P3H1: variants seen among roughly 807,000 people sequenced by gnomAD.
P3H1 encodes prolyl 3-hydroxylase 1.
P3H1 carries 69 observed loss-of-function variants against 84.0 expected under a neutral mutation model. The observed-to-expected ratio is 0.82, with a 90% confidence interval of 0.68 to 1.00. P3H1 has a LOEUF of 1.00. Among genes scored for constraint, P3H1 ranks in the 50% least tolerant of loss-of-function variants. P3H1 has a pLI of 0.00. For missense variants in P3H1, 878 were observed against 962.8 expected (o/e 0.91, Z 1.17); for synonymous variants, 366 against 388.8 (o/e 0.94, Z 0.69).
Position 42,759,188 on chromosome 1 carries a change from G to T in P3H1, c.808+13C>A. Reference sequence around the variant, plus strand: ...GAGGCCTGGCTGAAGGTCTGGCTCTGAACTGCACGCACCTGTGATGGCCTG... The same window carrying T: ...GAGGCCTGGCTGAAGGTCTGGCTCTTAACTGCACGCACCTGTGATGGCCTG... On this transcript the variant is annotated intron_variant, in intron 3 of 14. Transcript: ENST00000296388. The T allele has an allele frequency of 6.2e-7, 1 of 1,614,108 alleles. No individual in the cohort carries two copies. The highest frequency in any genetic ancestry group is 1.1e-5 in the South Asian group (1 of 91,058).
intron 8 of P3H1, among the ~76,000 whole-genome samples, chr1:42,753,066 T>G (rs1652200614): frequency 1.3e-5 from 2 of 152,258 alleles, no homozygotes; most frequent in South Asian, 4.1e-4. Flanking sequence ...TTCTCATCTG[T>G]CAAACAGCAT....
chr1:42,752,149 A>G, intron 10 of P3H1, 125 bp downstream of exon 10: 1 of 810,894 alleles, frequency 1.2e-6, no homozygotes, highest in Non-Finnish European at 2.2e-6. Context: ...TCCTGGCAAC[A>G]AGAATGTTGG....
intron 6 of P3H1, 73 bp from the exon 7 acceptor site, chr1:42,755,290 T>C: frequency 7.0e-7 from 1 of 1,422,524 alleles, no homozygotes; most frequent in Non-Finnish European, 9.9e-7. Flanking sequence ...ATGCATAAAA[T>C]AAGGCCCACA....
intron 8 of P3H1, among the ~76,000 whole-genome samples, chr1:42,753,584 G>T (rs1652226214): frequency 6.6e-6 from 1 of 152,124 alleles, no homozygotes; most frequent in Admixed American, 6.5e-5. Flanking sequence ...AATGCCCTAA[G>T]AAGTTCAAAA....
At chr1:42,748,068 A>C (rs1184567617) in intron 12 of P3H1, 132 bp downstream of exon 12, 5 of 727,744 alleles carry the variant, frequency 6.9e-6, no homozygotes, top group African/African-American at 1.7e-5. Context: ...TTTGGGGATA[A>C]AGGATTGGAC....
chr1:42,765,401 G>A (rs1478970297), intron 1 of P3H1, among the ~76,000 whole-genome samples: 1 of 152,160 alleles, frequency 6.6e-6, no homozygotes, highest in Non-Finnish European at 1.5e-5. Context: ...CCTTACTACA[G>A]TAACTCTTAA....
chr1:42,759,125 C>G (rs570072061), intron 3 of P3H1, 76 bp downstream of exon 3: 1 of 1,569,428 alleles, frequency 6.4e-7, no homozygotes, highest in Non-Finnish European at 8.8e-7. Flanking sequence ...GTGAAGAGTC[C>G]CCATTTATAT....
At chr1:42,763,763 G>A (rs576966796) in intron 1 of P3H1, among the ~76,000 whole-genome samples, 1 of 149,932 alleles carries the variant, frequency 6.7e-6, no homozygotes, top group East Asian at 2.0e-4. Flanking sequence ...ACTCCAGCAT[G>A]TCAAAGTAAC....
chr1:42,759,070 C>G, intron 3 of P3H1, 87 bp from the exon 4 acceptor site: 1 of 1,587,414 alleles, frequency 6.3e-7, no homozygotes, highest in Non-Finnish European at 8.6e-7. Context: ...CAAATGGAAG[C>G]AATTTTTCAT....
rs921200834 is a variant in P3H1, at chr1:42,766,701, A to C, written c.271T>G (p.Trp91Gly). The change falls in exon 1 of 15, where the codon TGG becomes GGG. Residue 91 changes from tryptophan (W) to glycine (G), a missense_variant. Physicochemically the swap from Trp to Gly is radical, Grantham distance 184. Coordinates refer to ENST00000296388, the MANE Select transcript of P3H1 (RefSeq NM_022356.4). ...GAGGCCTGGGCCGGGCTGGGGGACC[A>C]GTCGGGGTCCAGCTCCCACGGGAAG... ...ADFPWELDPDWSPSPAQASGA... is the reference protein window; with the variant it reads ...ADFPWELDPDGSPSPAQASGA... 6.5e-7 allele frequency: 1 copy of C among 1,536,086 alleles called. No individual in the cohort carries two copies. Among genetic ancestry groups the C allele is most frequent in the East Asian group, 2.5e-5 (1 of 40,558 alleles).
In P3H1 at chr1:42,754,983, G is replaced by C; in HGVS notation, c.1231C>G (p.Arg411Gly). Residue 411 changes from arginine (R) to glycine (G), a missense_variant, in exon 8 of 15, where the codon CGG (arginine) becomes GGG (glycine). Coordinates refer to ENST00000296388, the MANE Select transcript of P3H1 (RefSeq NM_022356.4). The surrounding 1 kb of genome is among the most constrained non-coding windows in gnomAD (Gnocchi z 4.0). ...TGGGAGATGCGTACGGCTGTTTCCC[G>C]TTCTGACCTATGAGCACAGCCGCTC... ...KRLQEKQKSE[R>G]ETAVRISQEI... 1 of 1,614,118 alleles carries C rather than the reference G, an allele frequency of 6.2e-7. No individual in the cohort carries two copies. Among genetic ancestry groups the C allele is most frequent in the Non-Finnish European group, 8.5e-7 (1 of 1,180,022 alleles).
chr1:42,765,540 C>A (rs1283380698), intron 1 of P3H1, among the ~76,000 whole-genome samples: 1 of 152,026 alleles, frequency 6.6e-6, no homozygotes, highest in East Asian at 1.9e-4. Flanking sequence ...AGCGACATAA[C>A]CAAAGACATA....
At chr1:42,748,825 G>C (rs973712006) in intron 11 of P3H1, 1 of 244,090 alleles carries the variant, frequency 4.1e-6, no homozygotes, top group Non-Finnish European at 8.2e-6. Context: ...TCACGAAAGG[G>C]AACAGACCGG....
At position 42,757,812 on chromosome 1, in the gene P3H1, C is replaced by A. The variant is rs2124135089; in HGVS notation, c.1051G>T (p.Glu351Ter). 2 of 1,614,242 alleles carry A rather than the reference C, an allele frequency of 1.2e-6. No homozygotes were observed. Among genetic ancestry groups the A allele is most frequent in the Non-Finnish European group, 1.7e-6 (2 of 1,180,046 alleles). ...CGGGGGCCGATGGATCTGGTGTGTT[C>A]TTCTCCAAGCATAGCTGCATAATAG... ...LAYYAAMLGE[E>*]HTRSIGPRES... The change falls in exon 5 of 15, where the codon GAA (glutamate) becomes TAA (stop). Residue 351 changes from glutamate to a stop codon, truncating the protein, a stop_gained. Coordinates refer to ENST00000296388, the MANE Select transcript of P3H1 (RefSeq NM_022356.4). LOFTEE classifies it high-confidence loss of function.
chr1:42,755,452 T>C, intron 6 of P3H1, 96 bp downstream of exon 6: 1 of 1,194,740 alleles, frequency 8.4e-7, no homozygotes, highest in South Asian at 1.2e-5. Flanking sequence ...CTCCAGCAAG[T>C]TTTCTCTCAG....
chr1:42,749,021 G>C (rs1651886795), intron 11 of P3H1, among the ~76,000 whole-genome samples: 2 of 152,198 alleles, frequency 1.3e-5, no homozygotes, highest in African/African-American at 4.8e-5. Context: ...TCCTCCCACT[G>C]CCACTTCCTG....
intron 5 of P3H1, among the ~76,000 whole-genome samples, 178 bp from the exon 6 acceptor site, chr1:42,755,815 G>A (rs559373891): frequency 8.5e-5 from 13 of 152,200 alleles, no homozygotes; most frequent in African/African-American, 3.1e-4. Flanking sequence ...TGTGTCCTCT[G>A]CCTGGCACAA....
chr1:42,759,620 G>A (rs998831991), intron 2 of P3H1, among the ~76,000 whole-genome samples: 1 of 152,070 alleles, frequency 6.6e-6, no homozygotes, highest in Non-Finnish European at 1.5e-5. Context: ...TTGAGACAGA[G>A]TCTCACTCTG....
Position 42,759,219 on chromosome 1 carries a change from G to A in P3H1, c.790C>T (p.Leu264Phe). 2 of 1,614,186 alleles carry A rather than the reference G, an allele frequency of 1.2e-6. No individual in the cohort carries two copies. Among genetic ancestry groups the A allele is most frequent in the South Asian group, 2.2e-5 (2 of 91,074 alleles). Residue 264 changes from leucine (L) to phenylalanine (F), a missense_variant, in exon 3 of 15, where the codon CTC becomes TTC. By Grantham distance (22) the Leu-to-Phe change is conservative. Coordinates refer to ENST00000296388, the MANE Select transcript of P3H1 (RefSeq NM_022356.4). The part of the protein sequence containing the change: ...GYNYLEYNAD[L>F]FQAITDHYIQ... ...CACGCACCTGTGATGGCCTGGAAGA[G>A]GTCAGCGTTGTACTCAAGGTAGTTG...
Sources: allele counts gnomAD v4.1 joint callset (sites outside exome capture counted in the v4.1 genomes callset), GRCh38; gene constraint gnomAD v4.1.1; non-coding constraint Gnocchi (gnomAD v3.1); transcripts MANE v1.5; gene names NCBI Gene and HGNC (gene_info 2026-07-23, HGNC 2026-07-21).